LAMA3: variants seen among roughly 807,000 people sequenced by gnomAD.
LAMA3 encodes the protein laminin subunit alpha-3.
Under a neutral mutation model 402.0 loss-of-function variants are expected in LAMA3, and 281 were observed. The ratio of observed to expected loss-of-function variants is 0.70; its 90% CI spans 0.63 to 0.77. The LOEUF is 0.77. LAMA3 is among the 30% of genes least tolerant of loss of function. The pLI is 0.00. For missense variants in LAMA3, 3,840 were observed against 4,215.5 expected (o/e 0.91, Z 2.47); for synonymous variants, 1,431 against 1,558.4 (o/e 0.92, Z 1.93).
intron 44 of LAMA3, 147 bp downstream of exon 44, chr18:23,895,205 C>G (rs1282976307): frequency 3.2e-6 from 3 of 929,796 alleles, no homozygotes; most frequent in Non-Finnish European, 3.3e-6. Flanking sequence ...AAGACTTTTC[C>G]TGGTGGAAAA....
At position 23,888,997 on chromosome 18, in the gene LAMA3, AAT is replaced by A. The variant is rs1275123710; in HGVS notation, c.5304-1013_5304-1012del. Among the ~76,000 whole-genome samples, 3 of 152,298 alleles carry A rather than the reference AAT, an allele frequency of 2.0e-5. No homozygotes were observed. The East Asian group carries it at 5.8e-4, about 29-fold the overall frequency. ...GTGATCTTTAAACTTGTAAACCAGT[AAT>A]GAGTTCTCATTACTATACTATCTAG... On this transcript the variant is annotated intron_variant, in intron 41 of 74. Transcript: ENST00000313654.
chr18:23,819,998 G>A lies in LAMA3; in HGVS notation c.2304+1G>A, dbSNP rs1274133243. ...ATATGCCCAAATGACCTCAGTACAG[G>A]TACGCAACCCGAAGAGAGCAGCTTC... On this transcript the variant is annotated splice_donor_variant, in intron 19 of 74. Coordinates refer to ENST00000313654, the MANE Select transcript of LAMA3 (RefSeq NM_198129.4). LOFTEE classifies it high-confidence loss of function. The A allele has an allele frequency of 3.1e-6, 5 of 1,613,876 alleles. No individual in the cohort carries two copies. The highest frequency in any genetic ancestry group is 4.2e-6 in the Non-Finnish European group (5 of 1,179,948).
In LAMA3 at chr18:23,951,912, C is replaced by T; in HGVS notation, c.9736+135C>T. On this transcript the variant is annotated intron_variant, in intron 73 of 74. Coordinates refer to ENST00000313654, the MANE Select transcript of LAMA3 (RefSeq NM_198129.4). ...GGGCCAGCCCCCGAGGCTAACGTGT[C>T]CATTCACAACCCCAGCCATGCTTCC... The T allele has an allele frequency of 5.7e-6, 4 of 698,470 alleles. No homozygotes were observed. The South Asian group carries it at 6.1e-5, about 11-fold the overall frequency. The allele number at this position is 698,470 out of a possible 1,614,324, so 43.3% of individuals were successfully genotyped here.
At position 23,943,861 on chromosome 18, in the gene LAMA3, T is replaced by C. The variant is rs745968157; in HGVS notation, c.9100T>C (p.Phe3034Leu). 6.2e-7 allele frequency: 1 copy of C among 1,613,940 alleles called. No individual in the cohort carries two copies. The highest frequency in any genetic ancestry group is 1.3e-5 in the African/African-American group (1 of 74,940). The change falls in exon 69 of 75, where the codon TTT becomes CTT. Residue 3034 changes from phenylalanine (F) to leucine (L), a missense_variant. Coordinates refer to ENST00000313654, the MANE Select transcript of LAMA3 (RefSeq NM_198129.4). Reference protein sequence around the residue: ...LVFHTGTKNSFMALYLSKGRL... With the variant: ...LVFHTGTKNSLMALYLSKGRL... ...GTTTCACACGGGCACTAAGAACTCC[T>C]TTATGGCTCTTTATCTTTCAAAAGG...
chr18:23,925,724 G>T (rs2081984393), intron 62 of LAMA3, among the ~76,000 whole-genome samples: 2 of 152,160 alleles, frequency 1.3e-5, no homozygotes. Context: ...CCTGTATCCT[G>T]GAGTAAATGT....
chr18:23,789,704 T>A (rs1342326840), intron 12 of LAMA3, among the ~76,000 whole-genome samples: 1 of 152,180 alleles, frequency 6.6e-6, no homozygotes, highest in Non-Finnish European at 1.5e-5. Context: ...GGGATTTCTT[T>A]TAGGGGGAAC....
rs148728856 is a variant in LAMA3 at position 23,904,588 on chromosome 18, G to A, written c.6509G>A (p.Arg2170His). ...KRNASGDELV[R>H]CAVDAATAYE... ...AACGCCAGCGGGGATGAGCTGGTGCGCTGTGCTGTGGATGCCGCCACCGCC... is the reference window on the plus strand; with the variant it reads ...AACGCCAGCGGGGATGAGCTGGTGCACTGTGCTGTGGATGCCGCCACCGCC... Residue 2170 changes from arginine (R) to histidine (H), a missense_variant, in exon 51 of 75, where the codon CGC (arginine) becomes CAC (histidine). Arg to His is a conservative substitution (Grantham distance 29, BLOSUM62 0). Coordinates refer to ENST00000313654, the MANE Select transcript of LAMA3 (RefSeq NM_198129.4). 1.3e-4 allele frequency: 215 copies of A among 1,609,330 alleles called. No individual in the cohort carries two copies. Among genetic ancestry groups the A allele is most frequent in the Non-Finnish European group, 1.5e-4 (181 of 1,178,068 alleles).
intron 62 of LAMA3, 115 bp downstream of exon 62, chr18:23,921,700 A>C (rs1278304815): frequency 2.0e-6 from 2 of 1,023,854 alleles, no homozygotes; most frequent in Non-Finnish European, 3.0e-6. Context: ...ACAAAAAGTT[A>C]ACTTTTCCAT....
Position 23,938,542 on chromosome 18 carries a change from C to T in LAMA3, c.8863-681C>T, listed in dbSNP as rs192562397. Among the ~76,000 whole-genome samples the T allele has an allele frequency of 1.2e-3, 186 of 152,292 alleles. 1 individual carries two copies. The East Asian group carries it at 0.014, about 12-fold the overall frequency. Reference sequence around the variant, plus strand: ...GGGACAGGATGTGGTCCCCTCCCTTCTCTTTCTCTCCTGCTATCTTGGTCC... The same window carrying T: ...GGGACAGGATGTGGTCCCCTCCCTTTTCTTTCTCTCCTGCTATCTTGGTCC... On this transcript the variant is annotated intron_variant, in intron 67 of 74. Transcript: ENST00000313654.
Position 23,793,586 on chromosome 18 carries a change from T to C in LAMA3, c.1603+9429T>C, listed in dbSNP as rs557253931. On this transcript the variant is annotated intron_variant, in intron 12 of 74. Coordinates refer to ENST00000313654, the MANE Select transcript of LAMA3 (RefSeq NM_198129.4). ...AAGAAGAGCCAGTTTGAGATTAGCATAGGGCTGGTCCAAGAACAATTGTGT... is the reference window on the plus strand; with the variant it reads ...AAGAAGAGCCAGTTTGAGATTAGCACAGGGCTGGTCCAAGAACAATTGTGT... Among the ~76,000 whole-genome samples, 91 of 151,400 alleles carry C rather than the reference T, an allele frequency of 6.0e-4. 1 individual carries two copies. The highest frequency in any genetic ancestry group is 1.2e-3 in the Non-Finnish European group (80 of 67,896).
intron 39 of LAMA3, among the ~76,000 whole-genome samples, chr18:23,878,213 T>G (rs2064786006): frequency 6.6e-6 from 1 of 152,200 alleles, no homozygotes; most frequent in Non-Finnish European, 1.5e-5. Context: ...AGGGAGGGTT[T>G]TTTTCTGTAG....
rs2063340431 is a variant in LAMA3 at position 23,824,335 on chromosome 18, G to A, written c.2429-88G>A. On this transcript the variant is annotated intron_variant, in intron 20 of 74. Coordinates refer to ENST00000313654, the MANE Select transcript of LAMA3 (RefSeq NM_198129.4). ...CATATCATCTTAAACTTTTTGAGAT[G>A]TAAACTGAATGTTCAAAACTGAATA... The A allele has an allele frequency of 3.6e-6, 5 of 1,400,628 alleles. No homozygotes were observed. The South Asian group carries it at 5.8e-5, about 16-fold the overall frequency. 86.8% of individuals were successfully genotyped at this position (1,400,628 alleles called of 1,614,324 possible).
chr18:23,864,718 A>G, intron 35 of LAMA3, 67 bp from the exon 36 acceptor site: 1 of 1,031,756 alleles, frequency 9.7e-7, no homozygotes. Flanking sequence ...AGTGCTTTTC[A>G]TGCGGGTTGA....
chr18:23,932,678 A>G (rs934292755), intron 66 of LAMA3: 1 of 211,554 alleles, frequency 4.7e-6, no homozygotes, highest in African/African-American at 2.3e-5. Flanking sequence ...CTAGGAAACC[A>G]AATCACCACA....
At chr18:23,919,871 A>G (rs999245251) in intron 60 of LAMA3, among the ~76,000 whole-genome samples, 2 of 149,134 alleles carry the variant, frequency 1.3e-5, no homozygotes, top group African/African-American at 5.0e-5. Context: ...GGGGGAATGG[A>G]CTTTCGGGGG....
intron 23 of LAMA3, 75 bp from the exon 24 acceptor site, chr18:23,833,753 C>T (rs2063528498): frequency 6.5e-7 from 1 of 1,539,334 alleles, no homozygotes; most frequent in South Asian, 1.1e-5. Flanking sequence ...GCTCTATTTT[C>T]ACCATTGCTG....
intron 2 of LAMA3, among the ~76,000 whole-genome samples, chr18:23,739,945 A>G (rs2061535530): frequency 6.6e-6 from 1 of 152,230 alleles, no homozygotes; most frequent in African/African-American, 2.4e-5. Flanking sequence ...TTGGAAGAAC[A>G]TGACTATAGA....
chr18:23,901,400 G>A, intron 48 of LAMA3, 77 bp downstream of exon 48: 1 of 1,200,678 alleles, frequency 8.3e-7, no homozygotes, highest in South Asian at 1.3e-5. Flanking sequence ...TTAATAAAGT[G>A]GCATAGCCAG....
intron 12 of LAMA3, among the ~76,000 whole-genome samples, chr18:23,787,409 G>A (rs947282931): frequency 2.0e-5 from 3 of 152,062 alleles, no homozygotes; most frequent in Admixed American, 6.6e-5. Flanking sequence ...AAGAAATAAT[G>A]GTGGAAAACT....
Sources: allele counts gnomAD v4.1 joint callset (sites outside exome capture counted in the v4.1 genomes callset), GRCh38; gene constraint gnomAD v4.1.1; transcripts MANE v1.5; gene names NCBI Gene and HGNC (gene_info 2026-07-23, HGNC 2026-07-21).